Variants in NECTIN1 observed in about 807,000 individuals in gnomAD.
The protein encoded by NECTIN1 is nectin-1.
A neutral mutation model predicts 48.0 loss-of-function variants in NECTIN1; 23 were observed. That is an observed-to-expected ratio of 0.48 (90% CI 0.34 to 0.68). NECTIN1 has a LOEUF of 0.68. Among genes scored for constraint, NECTIN1 ranks in the 30% least tolerant of loss-of-function variants. The probability of loss-of-function intolerance (pLI) is 0.01; values close to 1 mark genes in which losing one functional copy is unlikely to be tolerated. For synonymous variants in NECTIN1, 270 were observed against 288.9 expected, an observed-to-expected ratio of 0.93 and a Z score of 0.66; for missense variants, 591 against 709.9, an observed-to-expected ratio of 0.83 and a Z score of 1.90.
chr11:119,681,582 C>A (rs1050086154), intron 1 of NECTIN1, among the ~76,000 whole-genome samples: 2 of 152,188 alleles, frequency 1.3e-5, no homozygotes, highest in African/African-American at 4.8e-5. Flanking sequence ...CGGCTGATAG[C>A]GGCCAGGCAT....
Position 119,709,533 on chromosome 11 carries a change from C to A in NECTIN1, c.79+18942G>T, listed in dbSNP as rs2134331023. Among the ~76,000 whole-genome samples the A allele has an allele frequency of 6.6e-6, 1 of 152,142 alleles. No homozygotes were observed. Among genetic ancestry groups the A allele is most frequent in the South Asian group, 2.1e-4 (1 of 4,818 alleles). Reference sequence around the variant, plus strand: ...GCACTCACTTCCAGGGGTGGAGGTTCAGGGGTTGGGGAAGGGAAGGGCTAG... The same window carrying A: ...GCACTCACTTCCAGGGGTGGAGGTTAAGGGGTTGGGGAAGGGAAGGGCTAG... On this transcript the variant is annotated intron_variant, in intron 1 of 5. Transcript: ENST00000264025. This position sits in a 1 kb window ranked among gnomAD's most constrained non-coding sequence, Gnocchi z 4.1.
chr11:119,676,906 C>G (rs1319579199), intron 4 of NECTIN1, 196 bp downstream of exon 4: 6 of 627,918 alleles, frequency 9.6e-6, no homozygotes, highest in Non-Finnish European at 1.7e-5. Context: ...TTGACCTTGA[C>G]ACTGTCACAC....
At chr11:119,705,817 C>A (rs1012938049) in intron 1 of NECTIN1, among the ~76,000 whole-genome samples, 2 of 152,178 alleles carry the variant, frequency 1.3e-5, no homozygotes, top group African/African-American at 4.8e-5. Flanking sequence ...GGGGAGGGAG[C>A]CCCAAGGCCA....
At chr11:119,643,417 G>A (rs1386195020) in intron 5 of NECTIN1, among the ~76,000 whole-genome samples, 3 of 152,248 alleles carry the variant, frequency 2.0e-5, no homozygotes, top group Non-Finnish European at 4.4e-5. Context: ...GAGAGGTTAA[G>A]TAATTCGTTC....
chr11:119,706,628 C>T (rs1261859647), intron 1 of NECTIN1, among the ~76,000 whole-genome samples: 2 of 152,188 alleles, frequency 1.3e-5, no homozygotes, highest in Non-Finnish European at 1.5e-5. Flanking sequence ...TGATATTGCC[C>T]CCACCAGGGC....
At chr11:119,723,992 AC>A (rs1300003925) in intron 1 of NECTIN1, among the ~76,000 whole-genome samples, 2 of 151,796 alleles carry the variant, frequency 1.3e-5, no homozygotes, top group African/African-American at 4.8e-5. Flanking sequence ...CCTTATTCCC[AC>A]TTCTTTTTCC....
rs547634737 is a variant in NECTIN1, at chr11:119,683,184, C to G, written c.80-4419G>C. On this transcript the variant is annotated intron_variant, in intron 1 of 5. Coordinates refer to ENST00000264025, the MANE Select transcript of NECTIN1 (RefSeq NM_002855.5). The surrounding 1 kb of genome is among the most constrained non-coding windows in gnomAD (Gnocchi z 4.0). ...ACAGAACACATCCTGTCTCCTTTCC[C>G]GCAGGTTCCCTCTTACATGAGAAGC... is the stretch of plus-strand genomic sequence containing the variant. Among the ~76,000 whole-genome samples the G allele has an allele frequency of 1.3e-5, 2 of 152,162 alleles. No individual in the cohort carries two copies. The highest frequency in any genetic ancestry group is 3.8e-4 in the East Asian group (2 of 5,196).
At chr11:119,682,506 G>A (rs1021411345) in intron 1 of NECTIN1, among the ~76,000 whole-genome samples, 3 of 152,184 alleles carry the variant, frequency 2.0e-5, no homozygotes. Context: ...TGGCGGGGCT[G>A]TTAGGAGCCA....
chr11:119,713,441 C>T (rs1006074630), intron 1 of NECTIN1, among the ~76,000 whole-genome samples: 2 of 152,136 alleles, frequency 1.3e-5, no homozygotes, highest in African/African-American at 4.8e-5. Context: ...AGTTTGACTC[C>T]TGGACTTGAG....
downstream of NECTIN1, among the ~76,000 whole-genome samples, chr11:119,657,664 G>A (rs1336799790): frequency 6.9e-6 from 1 of 145,486 alleles, no homozygotes; most frequent in Non-Finnish European, 1.5e-5. Context: ...TATAATCCTA[G>A]CACTTTGGGA....
rs1036685031 is a variant in NECTIN1 at position 119,727,661 on chromosome 11, C to T, written c.79+814G>A. Among the ~76,000 whole-genome samples the T allele has an allele frequency of 4.6e-5, 7 of 152,222 alleles. No homozygotes were observed. The highest frequency in any genetic ancestry group is 1.0e-4 in the Non-Finnish European group (7 of 68,034). Reference sequence around the variant, plus strand: ...CCACCCCACCCGTCAGAATGGGCCACCAGGGCCACCCCGGGGTCGGGCGCG... The same window carrying T: ...CCACCCCACCCGTCAGAATGGGCCATCAGGGCCACCCCGGGGTCGGGCGCG... On this transcript the variant is annotated intron_variant, in intron 1 of 5. Coordinates refer to ENST00000264025, the MANE Select transcript of NECTIN1 (RefSeq NM_002855.5). This position sits in a 1 kb window ranked among gnomAD's most constrained non-coding sequence, Gnocchi z 4.1.
At chr11:119,699,369 C>T (rs1168355333) in intron 1 of NECTIN1, among the ~76,000 whole-genome samples, 3 of 146 alleles carry the variant, frequency 0.021, no homozygotes, top group African/African-American at 0.031. Flanking sequence ...CTCTTTCCCA[C>T]GGCCCCCGGC....
chr11:119,660,168 G>C (rs1342077021), downstream of NECTIN1, among the ~76,000 whole-genome samples: 3 of 152,076 alleles, frequency 2.0e-5, no homozygotes, highest in African/African-American at 7.3e-5. Flanking sequence ...CTTTCCCAGG[G>C]GTCGTTGGTG....
intron 5 of NECTIN1, among the ~76,000 whole-genome samples, chr11:119,655,787 G>A (rs1380239594): frequency 1.3e-5 from 2 of 152,144 alleles, no homozygotes; most frequent in Non-Finnish European, 2.9e-5. Context: ...TGGCATCAGG[G>A]CTTACTTTGA....
chr11:119,723,096 G>A (rs1447803623), intron 1 of NECTIN1, among the ~76,000 whole-genome samples: 1 of 151,782 alleles, frequency 6.6e-6, no homozygotes, highest in Non-Finnish European at 1.5e-5. Flanking sequence ...GCACCTGCCT[G>A]TAGTCCCAGC....
At chr11:119,721,095 T>C (rs1865822514) in intron 1 of NECTIN1, among the ~76,000 whole-genome samples, 4 of 152,210 alleles carry the variant, frequency 2.6e-5, no homozygotes. Context: ...AGGGCGTATA[T>C]CTCAGAGCAC....
intron 5 of NECTIN1, among the ~76,000 whole-genome samples, chr11:119,654,572 A>G (rs1378212807): frequency 9.1e-6 from 1 of 109,338 alleles, no homozygotes; most frequent in Non-Finnish European, 2.0e-5. Flanking sequence ...TTCTTCAGGA[A>G]CACCTTTTTT....
rs111506761 is a variant in NECTIN1 at position 119,727,484 on chromosome 11, T to C, written c.79+991A>G. Reference sequence around the variant, plus strand: ...ACTCCCCACACCCCTTGACCCACGCTTGGTGTCCAGTCAGCCGGCGAGCTC... The same window carrying C: ...ACTCCCCACACCCCTTGACCCACGCCTGGTGTCCAGTCAGCCGGCGAGCTC... On this transcript the variant is annotated intron_variant, in intron 1 of 5. Coordinates refer to ENST00000264025, the MANE Select transcript of NECTIN1 (RefSeq NM_002855.5). This position sits in a 1 kb window ranked among gnomAD's most constrained non-coding sequence, Gnocchi z 4.1. Among the ~76,000 whole-genome samples the C allele has an allele frequency of 3.9e-5, 6 of 152,286 alleles. No homozygotes were observed. Among genetic ancestry groups the C allele is most frequent in the African/African-American group, 1.4e-4 (6 of 41,578 alleles).
Position 119,640,168 on chromosome 11 carries a change from C to T in NECTIN1, c.1004-156G>A, listed in dbSNP as rs1864303682. 4 of 804,960 alleles carry T rather than the reference C, an allele frequency of 5.0e-6. No homozygotes were observed. In the African/African-American group the frequency reaches 5.1e-5, roughly 10 times the overall value. The allele number at this position is 804,960 out of a possible 1,614,324, so 49.9% of individuals were successfully genotyped here. A position where few individuals can be genotyped will look rare whatever the true frequency, so the allele number is the denominator to read the frequency against. The stretch of plus-strand genomic sequence containing the variant: ...CATGGTGCTCCAGTTCTAGGAGGGG[C>T]TCCCAGCCGGTGTGGGATGGAGGCT... On this transcript the variant is annotated intron_variant, in intron 5 of 7. Transcript: ENST00000341398.
Sources: gnomAD v4.1 joint callset for allele counts (sites outside exome capture counted in the v4.1 genomes callset) on GRCh38, gnomAD v4.1.1 for gene constraint, Gnocchi (gnomAD v3.1) non-coding constraint, MANE v1.5 for transcripts, NCBI Gene and HGNC (gene_info 2026-07-23, HGNC 2026-07-21) for gene names.